The following ARIH1 variants were observed in gnomAD, a reference collection of about 807,000 sequenced individuals.
ARIH1 encodes ariadne RBR E3 ubiquitin protein ligase 1, also known as E3 ubiquitin-protein ligase ARIH1.
A neutral mutation model predicts 85.0 loss-of-function variants in ARIH1; 8 were observed. The observed-to-expected ratio is 0.09, with a 90% CI of 0.06 to 0.17. The LOEUF (loss-of-function observed/expected upper bound fraction) is 0.17. ARIH1 is among the 10% of genes least tolerant of loss of function. The pLI is 1.00. For missense variants in ARIH1, 311 were observed against 718.1 expected, an observed-to-expected ratio of 0.43 and a Z score of 6.48; for synonymous variants, 238 against 253.6, an observed-to-expected ratio of 0.94 and a Z score of 0.59.
chr15:72,590,657 C>CT lies in ARIH1; in HGVS notation c.*7366dup, dbSNP rs770171988. ...TATTCACAGGCACAGTTAGGGTGCA[C>CT]TACTGCCGTGAACTCCAGGACTCAA... On this transcript the variant is annotated 3_prime_UTR_variant, in exon 14 of 14. Coordinates refer to ENST00000379887, the MANE Select transcript of ARIH1 (RefSeq NM_005744.5). The CT allele has an allele frequency of 6.6e-6, 1 of 152,138 alleles. No homozygotes were observed. The highest frequency in any genetic ancestry group is 1.5e-5 in the Non-Finnish European group (1 of 68,060). The allele number at this position is 152,138 out of a possible 1,614,324, so 9.4% of individuals were successfully genotyped here.
intron 2 of ARIH1, among the ~76,000 whole-genome samples, chr15:72,530,428 G>A (rs867816580): frequency 1.3e-5 from 2 of 152,308 alleles, no homozygotes; most frequent in African/African-American, 2.4e-5. Context: ...TACTAAGAGC[G>A]AAAATTGAAT....
At chr15:72,512,867 G>A (rs1225451163) in intron 1 of ARIH1, among the ~76,000 whole-genome samples, 1 of 151,870 alleles carries the variant, frequency 6.6e-6, no homozygotes, top group Admixed American at 6.6e-5. Flanking sequence ...GTATAATTGT[G>A]GAATCATCTA....
At chr15:72,560,895 G>C (rs148813433) in intron 5 of ARIH1, among the ~76,000 whole-genome samples, 1 of 152,056 alleles carries the variant, frequency 6.6e-6, no homozygotes, top group South Asian at 2.1e-4. Flanking sequence ...TCACTACGTG[G>C]GATCCTGTGA....
intron 2 of ARIH1, among the ~76,000 whole-genome samples, chr15:72,537,246 A>C (rs1306074264): frequency 6.6e-6 from 1 of 152,198 alleles, no homozygotes; most frequent in Non-Finnish European, 1.5e-5. Flanking sequence ...TATGCCAGTC[A>C]TCTTACATTC....
intron 2 of ARIH1, among the ~76,000 whole-genome samples, 187 bp from the exon 3 acceptor site, chr15:72,544,633 G>A (rs1381934582): frequency 1.3e-5 from 2 of 152,014 alleles, no homozygotes; most frequent in Non-Finnish European, 2.9e-5. Flanking sequence ...ATATGCACAT[G>A]TATACACACA....
intron 1 of ARIH1, among the ~76,000 whole-genome samples, chr15:72,508,991 G>T (rs2063938625): frequency 6.7e-6 from 1 of 148,334 alleles, no homozygotes; most frequent in Non-Finnish European, 1.5e-5. Flanking sequence ...ACTGTGCCTG[G>T]CCCTTTTTTT....
rs1000146588 is a variant in ARIH1, at chr15:72,474,546, A to C, written c.-94A>C. On this transcript the variant is annotated 5_prime_UTR_variant, in exon 1 of 14. Coordinates refer to ENST00000379887, the MANE Select transcript of ARIH1 (RefSeq NM_005744.5). ...GGGCCGGAGCCAGGCCTGCGTCCGG[A>C]CATCAGCCGGAGCCGGAGCGAGAGC... is the stretch of plus-strand genomic sequence containing the variant. The C allele has an allele frequency of 1.4e-6, 2 of 1,409,062 alleles. No individual in the cohort carries two copies. The highest frequency in any genetic ancestry group is 3.0e-5 in the African/African-American group (2 of 66,380). 87.3% of individuals were successfully genotyped at this position (1,409,062 alleles called of 1,614,324 possible).
chr15:72,482,131 C>T (rs561323589), intron 1 of ARIH1, among the ~76,000 whole-genome samples: 4 of 152,132 alleles, frequency 2.6e-5, no homozygotes, highest in Non-Finnish European at 4.4e-5. Flanking sequence ...CCACTGCACC[C>T]GGCCAGTATT....
intron 1 of ARIH1, among the ~76,000 whole-genome samples, chr15:72,483,281 A>G (rs535832203): frequency 6.6e-6 from 1 of 152,152 alleles, no homozygotes; most frequent in African/African-American, 2.4e-5. Context: ...GTTCCTTGCC[A>G]TGTGGGCCTC....
At chr15:72,577,029 C>T (rs904212150) in intron 11 of ARIH1, among the ~76,000 whole-genome samples, 1 of 151,378 alleles carries the variant, frequency 6.6e-6, no homozygotes, top group African/African-American at 2.4e-5. Context: ...GTTACTCAGG[C>T]TGGAGTGCCA....
intron 6 of ARIH1, among the ~76,000 whole-genome samples, 165 bp from the exon 7 acceptor site, chr15:72,563,228 CT>C (rs567786131): frequency 6.6e-6 from 1 of 151,804 alleles, no homozygotes; most frequent in Admixed American, 6.6e-5. Flanking sequence ...ATTCTTTTTT[CT>C]TTTTTTTAAG....
chr15:72,502,891 G>A (rs945196055), intron 1 of ARIH1, among the ~76,000 whole-genome samples: 2 of 152,158 alleles, frequency 1.3e-5, no homozygotes, highest in African/African-American at 4.8e-5. Flanking sequence ...TTAAGGGGGA[G>A]TTCTCTCAAG....
At chr15:72,487,089 TG>T (rs2063840773) in intron 1 of ARIH1, among the ~76,000 whole-genome samples, 2 of 151,994 alleles carry the variant, frequency 1.3e-5, no homozygotes, top group Admixed American at 1.3e-4. Flanking sequence ...TATTTTTTTT[TG>T]TATGTAAATA....
chr15:72,529,304 G>A (rs895966793), intron 2 of ARIH1, among the ~76,000 whole-genome samples: 4 of 152,166 alleles, frequency 2.6e-5, no homozygotes, highest in African/African-American at 7.2e-5. Context: ...GTGCAGTGGC[G>A]TGATCACAGC....
In ARIH1 at chr15:72,602,514, T is replaced by TA. The variant is rs1567367447; in HGVS notation, c.*19224dup. On this transcript the variant is annotated 3_prime_UTR_variant, in exon 14 of 14. Coordinates refer to ENST00000379887, the MANE Select transcript of ARIH1 (RefSeq NM_005744.5). The stretch of plus-strand genomic sequence containing the variant: ...ACACTCTAAATTCCCAATTCATACT[T>TA]AAGTCTCGCCCTTGCAATTTAGATG... 1 of 152,258 alleles carries TA rather than the reference T, an allele frequency of 6.6e-6. No homozygotes were observed. Among genetic ancestry groups the TA allele is most frequent in the Admixed American group, 6.5e-5 (1 of 15,286 alleles). The allele number at this position is 152,258 out of a possible 1,614,324, so 9.4% of individuals were successfully genotyped here. A position where few individuals can be genotyped will look rare whatever the true frequency, so the allele number is the denominator to read the frequency against.
At chr15:72,577,638 A>C (rs2064277651) in intron 11 of ARIH1, among the ~76,000 whole-genome samples, 1 of 152,146 alleles carries the variant, frequency 6.6e-6, no homozygotes, top group Admixed American at 6.5e-5. Flanking sequence ...GCACCATTGC[A>C]CTCTAGCCTG....
intron 1 of ARIH1, among the ~76,000 whole-genome samples, chr15:72,496,393 G>A (rs182607049): frequency 3.9e-5 from 6 of 152,286 alleles, no homozygotes; most frequent in African/African-American, 1.4e-4. Flanking sequence ...AGACCTTAGT[G>A]TCACAGTAGA....
intron 9 of ARIH1, among the ~76,000 whole-genome samples, chr15:72,569,825 G>A (rs2064235624): frequency 6.6e-6 from 1 of 152,112 alleles, no homozygotes; most frequent in Non-Finnish European, 1.5e-5. Flanking sequence ...ATCCTAGGAA[G>A]GCTGAAGTGG....
chr15:72,552,722 G>C (rs1028551660), intron 3 of ARIH1, among the ~76,000 whole-genome samples: 2 of 152,000 alleles, frequency 1.3e-5, no homozygotes, highest in African/African-American at 4.8e-5. Flanking sequence ...ACTGGAAATA[G>C]CAGTTGCTTC....
Sources: allele counts gnomAD v4.1 joint callset (sites outside exome capture counted in the v4.1 genomes callset), GRCh38; gene constraint gnomAD v4.1.1; transcripts MANE v1.5; gene names NCBI Gene and HGNC (gene_info 2026-07-23, HGNC 2026-07-21).